Variants in DPP6 observed in about 807,000 individuals in gnomAD.
The protein encoded by DPP6 is A-type potassium channel modulatory protein DPP6.
In DPP6, 69 loss-of-function variants were observed where a neutral mutation model predicts 122.6. The observed-to-expected ratio is 0.56, with a 90% CI of 0.46 to 0.69. DPP6 has a LOEUF of 0.69. Among genes scored for constraint, DPP6 ranks in the 30% least tolerant of loss-of-function variants. The pLI, the probability that DPP6 is intolerant of heterozygous loss-of-function variation, is 0.00. For missense variants in DPP6, 928 were observed against 1,116.9 expected (o/e 0.83, Z 2.41); for synonymous variants, 418 against 433.1 (o/e 0.97, Z 0.43).
chr7:154,849,049 T>C (rs1352321656), intron 16 of DPP6, among the ~76,000 whole-genome samples: 5 of 149,554 alleles, frequency 3.3e-5, no homozygotes, highest in African/African-American at 1.2e-4. Flanking sequence ...TACTATGCTG[T>C]TTTGATTACT....
intron 1 of DPP6, among the ~76,000 whole-genome samples, chr7:153,989,057 G>A (rs575230786): frequency 0.011 from 1,691 of 150,718 alleles, 8 homozygotes; most frequent in African/African-American, 0.038. Flanking sequence ...CTTTCCCAGA[G>A]AGCCCAGCTT....
chr7:154,828,368 C>T (rs1800355787), intron 16 of DPP6, among the ~76,000 whole-genome samples: 1 of 150,690 alleles, frequency 6.6e-6, no homozygotes, highest in Non-Finnish European at 1.5e-5. Context: ...AACTGTGTGC[C>T]TGGCAAAGGA....
chr7:154,347,032 G>A (rs569119769), intron 1 of DPP6, among the ~76,000 whole-genome samples: 41 of 152,248 alleles, frequency 2.7e-4, no homozygotes, highest in African/African-American at 9.4e-4. Context: ...TAGGTATCAT[G>A]TATGTGCATG....
chr7:153,890,493 A>T (rs141407811), intron 1 of DPP6, among the ~76,000 whole-genome samples: 1 of 152,136 alleles, frequency 6.6e-6, no homozygotes, highest in East Asian at 1.9e-4. Context: ...GCCATGCCAC[A>T]TTGCTTAGTT....
At chr7:154,536,716 A>G (rs1828286471) in intron 3 of DPP6, among the ~76,000 whole-genome samples, 1 of 152,232 alleles carries the variant, frequency 6.6e-6, no homozygotes, top group East Asian at 1.9e-4. Flanking sequence ...TTCACAGTGT[A>G]GTATCAATGC....
At chr7:154,062,563 C>CA (rs1802149501) in intron 1 of DPP6, among the ~76,000 whole-genome samples, 2 of 8,642 alleles carry the variant, frequency 2.3e-4, no homozygotes, top group Non-Finnish European at 4.8e-4. Flanking sequence ...ACCCCCATCG[C>CA]AGGGGGGGGA....
intron 1 of DPP6, among the ~76,000 whole-genome samples, chr7:154,269,369 T>C (rs929392349): frequency 6.6e-6 from 1 of 152,140 alleles, no homozygotes; most frequent in East Asian, 1.9e-4. Context: ...CTTGCAATAG[T>C]TGAATAAAGT....
chr7:154,712,457 A>G (rs956959833), intron 7 of DPP6, among the ~76,000 whole-genome samples: 1 of 152,234 alleles, frequency 6.6e-6, no homozygotes, highest in Non-Finnish European at 1.5e-5. Context: ...CCTCTAGAGA[A>G]TTCCAGTGTA....
chr7:154,566,936 G>T lies in DPP6; in HGVS notation c.627+20G>T. The T allele has an allele frequency of 1.3e-6, 2 of 1,549,716 alleles. No individual in the cohort carries two copies. The highest frequency in any genetic ancestry group is 1.1e-5 in the South Asian group (1 of 88,424). On this transcript the variant is annotated intron_variant, in intron 5 of 25. Transcript: ENST00000377770. The stretch of plus-strand genomic sequence containing the variant: ...GAACCCGTGAGTATTATCCTTTACT[G>T]CCTACAAAATAATTGTTTCTTTATT...
At chr7:153,752,479 C>T in the DPP6 span, among the ~76,000 whole-genome samples, 1 of 150,852 alleles carries the variant, frequency 6.6e-6, no homozygotes, top group Admixed American at 6.6e-5. Context: ...AAACTCCTGG[C>T]CTAAAGCAAT....
rs958750980 is a variant in DPP6, at chr7:154,393,670, A to G, written c.244-52544A>G. Among the ~76,000 whole-genome samples, 5 of 151,888 alleles carry G rather than the reference A, an allele frequency of 3.3e-5. No individual in the cohort carries two copies. In the East Asian group the frequency reaches 9.6e-4, roughly 29 times the overall value. On this transcript the variant is annotated intron_variant, in intron 1 of 25. Coordinates refer to ENST00000377770, the MANE Select transcript of DPP6 (RefSeq NM_130797.4). Reference sequence around the variant, plus strand: ...TATATAACATAAAATTGTCCATCTTAACCATTTTGAGGTGTATAATTTGGT... The same window carrying G: ...TATATAACATAAAATTGTCCATCTTGACCATTTTGAGGTGTATAATTTGGT...
chr7:154,880,830 A>T, intron 20 of DPP6, 58 bp from the exon 21 acceptor site: 1 of 1,613,886 alleles, frequency 6.2e-7, no homozygotes, highest in East Asian at 2.2e-5. Context: ...GGGCTACAGG[A>T]AGACAAAGTG....
chr7:154,728,909 A>G (rs1216888124), intron 8 of DPP6, among the ~76,000 whole-genome samples: 1 of 152,156 alleles, frequency 6.6e-6, no homozygotes, highest in African/African-American at 2.4e-5. Context: ...ACACCCTCAT[A>G]ACCTCATCAC....
chr7:153,961,104 A>AT (rs1795329919), intron 1 of DPP6, among the ~76,000 whole-genome samples: 1 of 137,370 alleles, frequency 7.3e-6, no homozygotes, highest in South Asian at 2.6e-4. Context: ...AGCTATTTTT[A>AT]AGAAGTCTCA....
intron 1 of DPP6, among the ~76,000 whole-genome samples, chr7:154,151,583 A>T (rs1585497413): frequency 6.6e-6 from 1 of 152,104 alleles, no homozygotes; most frequent in South Asian, 2.1e-4. Context: ...TTGCCCCAAG[A>T]CCCTGCAGCC....
the DPP6 span, among the ~76,000 whole-genome samples, chr7:153,778,192 G>A: frequency 1.7e-3 from 252 of 149,660 alleles, 2 homozygotes; most frequent in African/African-American, 6.1e-3. Flanking sequence ...TAGATAATGA[G>A]AACTGAGTTT....
At chr7:154,570,569 A>G (rs1325104805) in intron 5 of DPP6, among the ~76,000 whole-genome samples, 1 of 152,194 alleles carries the variant, frequency 6.6e-6, no homozygotes, top group South Asian at 2.1e-4. Context: ...TTGAAATTCT[A>G]TCAAATCCAC....
chr7:154,284,512 A>G (rs1007539813), intron 1 of DPP6, among the ~76,000 whole-genome samples: 1 of 152,224 alleles, frequency 6.6e-6, no homozygotes, highest in African/African-American at 2.4e-5. Flanking sequence ...TCAGCCTTAA[A>G]AAGAAATGAA....
rs1436105037 is a variant in DPP6, at chr7:154,581,422, C to G, written c.627+14506C>G. On this transcript the variant is annotated intron_variant, in intron 5 of 25. Transcript: ENST00000377770. ...AACCCTGCCTGCCATGGTCCTCCCC[C>G]ACTTCCTCCCACACACCCTGATGCA... Among the ~76,000 whole-genome samples, 4 of 152,260 alleles carry G rather than the reference C, an allele frequency of 2.6e-5. No individual in the cohort carries two copies. The East Asian group carries it at 5.8e-4, about 22-fold the overall frequency.
Sources: gnomAD v4.1 joint callset for allele counts (sites outside exome capture counted in the v4.1 genomes callset) on GRCh38, gnomAD v4.1.1 for gene constraint, MANE v1.5 for transcripts, NCBI Gene and HGNC (gene_info 2026-07-23, HGNC 2026-07-21) for gene names.